Variants in CDC73 observed in about 807,000 individuals in gnomAD.
The protein encoded by CDC73 is cell division cycle 73, also known as parafibromin.
A neutral mutation model predicts 83.7 loss-of-function variants in CDC73; 21 were observed. The observed-to-expected ratio is 0.25, with a 90% CI of 0.18 to 0.36. The LOEUF is 0.36. CDC73 is among the 10% of genes least tolerant of loss of function. The pLI is 1.00. For missense variants in CDC73, 342 were observed against 653.3 expected (o/e 0.52, Z 5.19); for synonymous variants, 224 against 212.9 (o/e 1.05, Z -0.45).
At chr1:193,219,482 G>A (rs1250612361) in intron 13 of CDC73, among the ~76,000 whole-genome samples, 1 of 152,102 alleles carries the variant, frequency 6.6e-6, no homozygotes, top group Non-Finnish European at 1.5e-5. Context: ...TTAAAGACAT[G>A]GAATCAACCA....
At chr1:193,185,024 G>A (rs1332290726) in intron 10 of CDC73, among the ~76,000 whole-genome samples, 3 of 151,962 alleles carry the variant, frequency 2.0e-5, no homozygotes, top group Non-Finnish European at 4.4e-5. Context: ...TGCTAAAATA[G>A]TTTATTTGGT....
chr1:193,184,396 A>G (rs958682339), intron 10 of CDC73, among the ~76,000 whole-genome samples: 1 of 152,080 alleles, frequency 6.6e-6, no homozygotes, highest in East Asian at 1.9e-4. Flanking sequence ...GAGCAAAACA[A>G]GAAAGTTCAG....
chr1:193,131,864 G>A (rs776443381), intron 3 of CDC73, among the ~76,000 whole-genome samples: 1 of 152,070 alleles, frequency 6.6e-6, no homozygotes, highest in Admixed American at 6.5e-5. Flanking sequence ...TCCTCCTTCT[G>A]TGGTTTTTAT....
intron 10 of CDC73, among the ~76,000 whole-genome samples, chr1:193,166,459 T>C (rs1042288727): frequency 1.3e-5 from 2 of 152,024 alleles, no homozygotes; most frequent in Non-Finnish European, 2.9e-5. Flanking sequence ...GTTTTCATTA[T>C]TGCCTTACAT....
intron 6 of CDC73, among the ~76,000 whole-genome samples, chr1:193,139,965 A>G (rs1384541084): frequency 6.6e-6 from 1 of 152,124 alleles, no homozygotes; most frequent in Non-Finnish European, 1.5e-5. Flanking sequence ...GTTTCTTCAT[A>G]TTTGTGCTAG....
Position 193,125,287 on chromosome 1 carries a change from C to G in CDC73, c.237+70C>G, listed in dbSNP as rs987417757. On this transcript the variant is annotated intron_variant, in intron 2 of 16. Coordinates refer to ENST00000367435, the MANE Select transcript of CDC73 (RefSeq NM_024529.5). The stretch of plus-strand genomic sequence containing the variant: ...TTTTTATTTATTTAAGAGACAGGGT[C>G]TGGCCTTGTTGCCCGGGCTAGGGTG... The G allele has an allele frequency of 4.0e-6, 4 of 1,011,510 alleles. No homozygotes were observed. The African/African-American group carries it at 6.4e-5, about 16-fold the overall frequency. The allele number at this position is 1,011,510 out of a possible 1,614,324, so 62.7% of individuals were successfully genotyped here. A position where few individuals can be genotyped will look rare whatever the true frequency, so the allele number is the denominator to read the frequency against.
intron 10 of CDC73, among the ~76,000 whole-genome samples, chr1:193,156,016 T>TG (rs1676201424): frequency 1.3e-5 from 2 of 152,080 alleles, no homozygotes; most frequent in African/African-American, 2.4e-5. Flanking sequence ...AACCATTCAG[T>TG]GGGGGAAATA....
At chr1:193,240,036 A>G (rs949023616) in intron 15 of CDC73, among the ~76,000 whole-genome samples, 1 of 152,004 alleles carries the variant, frequency 6.6e-6, no homozygotes, top group African/African-American at 2.4e-5. Context: ...CCAACCCTCT[A>G]GTATCTTATC....
chr1:193,220,345 G>C (rs1158289708), intron 13 of CDC73, among the ~76,000 whole-genome samples: 2 of 151,696 alleles, frequency 1.3e-5, no homozygotes, highest in African/African-American at 2.4e-5. Flanking sequence ...TGTATTTTTA[G>C]TAGAGACGGG....
intron 10 of CDC73, among the ~76,000 whole-genome samples, chr1:193,193,779 TAGTG>T (rs1676957060): frequency 9.5e-6 from 1 of 104,994 alleles, no homozygotes; most frequent in South Asian, 3.6e-4. Flanking sequence ...GTCTTACTTG[TAGTG>T]TGTGTGTGTG....
chr1:193,145,711 C>A (rs1675988356), intron 7 of CDC73, among the ~76,000 whole-genome samples: 2 of 152,046 alleles, frequency 1.3e-5, no homozygotes, highest in Admixed American at 1.3e-4. Context: ...GCAAAGGGGT[C>A]CTGAGACTTA....
At chr1:193,194,947 C>T (rs1049071578) in intron 10 of CDC73, among the ~76,000 whole-genome samples, 3 of 151,964 alleles carry the variant, frequency 2.0e-5, no homozygotes, top group African/African-American at 4.8e-5. Flanking sequence ...CATATACACA[C>T]ATATAGATTT....
chr1:193,210,059 C>T (rs1677251185), intron 11 of CDC73, among the ~76,000 whole-genome samples: 1 of 151,938 alleles, frequency 6.6e-6, no homozygotes, highest in South Asian at 2.1e-4. Context: ...TTATCCATGA[C>T]CCTTCATTTC....
chr1:193,204,686 A>G (rs1677157112), intron 11 of CDC73, among the ~76,000 whole-genome samples: 1 of 152,238 alleles, frequency 6.6e-6, no homozygotes, highest in South Asian at 2.1e-4. Flanking sequence ...GATTTATACT[A>G]TAGAACATTT....
intron 13 of CDC73, among the ~76,000 whole-genome samples, chr1:193,218,278 C>T (rs557343707): frequency 6.1e-4 from 92 of 152,048 alleles, no homozygotes; most frequent in Non-Finnish European, 1.1e-3. Context: ...ACAAACAAAT[C>T]GAAAAACATT....
chr1:193,133,415 G>C (rs1172185547), intron 3 of CDC73, among the ~76,000 whole-genome samples: 1 of 152,124 alleles, frequency 6.6e-6, no homozygotes, highest in African/African-American at 2.4e-5. Flanking sequence ...ACTAGACAAG[G>C]TGATTCTAAA....
At chr1:193,207,415 A>G (rs1222161813) in intron 11 of CDC73, among the ~76,000 whole-genome samples, 1 of 152,112 alleles carries the variant, frequency 6.6e-6, no homozygotes, top group Non-Finnish European at 1.5e-5. Context: ...ACCAGGCTGG[A>G]ATTTCCCAAT....
At chr1:193,225,604 C>G (rs1036267208) in intron 13 of CDC73, among the ~76,000 whole-genome samples, 1 of 152,070 alleles carries the variant, frequency 6.6e-6, no homozygotes, top group African/African-American at 2.4e-5. Context: ...GCCATTCTTG[C>G]AGAAGTAAGG....
At chr1:193,148,250 A>G (rs1024601583) in intron 8 of CDC73, among the ~76,000 whole-genome samples, 3 of 152,184 alleles carry the variant, frequency 2.0e-5, no homozygotes, top group African/African-American at 4.8e-5. Flanking sequence ...TGGCTGGCCT[A>G]CTCATTGTTG....
Sources: gnomAD v4.1 joint callset for allele counts (sites outside exome capture counted in the v4.1 genomes callset) on GRCh38, gnomAD v4.1.1 for gene constraint, MANE v1.5 for transcripts, NCBI Gene and HGNC (gene_info 2026-07-23, HGNC 2026-07-21) for gene names.